The following JAM3 variants were observed in gnomAD, a reference collection of about 807,000 sequenced individuals.
JAM3 encodes junctional adhesion molecule C.
Under a neutral mutation model 39.4 loss-of-function variants are expected in JAM3, and 31 were observed. The ratio of observed to expected loss-of-function variants is 0.79; its 90% CI spans 0.59 to 1.06. The LOEUF is 1.06. Ranked by LOEUF, JAM3 falls within the 50% of genes least tolerant of loss-of-function variation. The probability of loss-of-function intolerance (pLI) is 0.00; values close to 1 mark genes in which losing one functional copy is unlikely to be tolerated. For missense variants in JAM3, 455 were observed against 391.4 expected, an observed-to-expected ratio of 1.16 and a Z score of -1.37; for synonymous variants, 182 against 148.7, an observed-to-expected ratio of 1.22 and a Z score of -1.63.
chr11:134,124,993 A>G (rs1392925734), intron 1 of JAM3, among the ~76,000 whole-genome samples: 1 of 151,856 alleles, frequency 6.6e-6, no homozygotes, highest in Non-Finnish European at 1.5e-5. Flanking sequence ...CGGCGACGAC[A>G]CCCCCCAGCC....
Position 134,151,868 on chromosome 11 carries a change from A to G in JAM3, c.*2687A>G, listed in dbSNP as rs1943248266. The G allele has an allele frequency of 6.6e-6, 1 of 152,228 alleles. No individual in the cohort carries two copies. Among genetic ancestry groups the G allele is most frequent in the Non-Finnish European group, 1.5e-5 (1 of 68,046 alleles). 9.4% of individuals were successfully genotyped at this position (152,228 alleles called of 1,614,324 possible). On this transcript the variant is annotated 3_prime_UTR_variant, in exon 9 of 9. Coordinates refer to ENST00000299106, the MANE Select transcript of JAM3 (RefSeq NM_032801.5). Reference sequence around the variant, plus strand: ...CTATCAATCACCCATCCACCAGGGAAGTCAGTGCTGGGCAGGAGGTCAGCC... The same window carrying G: ...CTATCAATCACCCATCCACCAGGGAGGTCAGTGCTGGGCAGGAGGTCAGCC...
At chr11:134,079,670 C>T (rs644247) in intron 1 of JAM3, among the ~76,000 whole-genome samples, 59,968 of 152,052 alleles carry the variant, frequency 0.39, 12,895 homozygotes, top group African/African-American at 0.58. Flanking sequence ...TTAAACCCCA[C>T]CTCTCTCACA....
intron 1 of JAM3, among the ~76,000 whole-genome samples, chr11:134,087,590 C>T (rs1941766685): frequency 1.3e-5 from 2 of 152,172 alleles, no homozygotes; most frequent in South Asian, 4.1e-4. Context: ...CCTTTCTCTT[C>T]TTACGTATAC....
At chr11:134,140,543 C>A in intron 2 of JAM3, 114 bp from the exon 3 acceptor site, 3 of 846,276 alleles carry the variant, frequency 3.5e-6, no homozygotes, top group Non-Finnish European at 6.1e-6. Context: ...GAGTTGGCTA[C>A]GTTTTTAATC....
intron 6 of JAM3, 138 bp from the exon 7 acceptor site, chr11:134,148,409 C>G: frequency 1.0e-6 from 1 of 961,674 alleles, no homozygotes; most frequent in South Asian, 1.4e-5. Flanking sequence ...TAAGTGTTCT[C>G]TCTTCTAGCT....
rs947506976 is a variant in JAM3, at chr11:134,106,403, A to C, written c.77-33448A>C. On this transcript the variant is annotated intron_variant, in intron 1 of 8. Coordinates refer to ENST00000299106, the MANE Select transcript of JAM3 (RefSeq NM_032801.5). ...TAAAACCATAAAAACCCTAGAAGAA[A>C]ACCTAGGCAATACCATTCAGGACAT... 2.6e-5 allele frequency among the ~76,000 whole-genome samples: 4 copies of C among 152,134 alleles called. No individual in the cohort carries two copies. The East Asian group carries it at 7.7e-4, about 29-fold the overall frequency.
intron 1 of JAM3, chr11:134,123,707 G>T (rs1343754620): frequency 2.2e-5 from 11 of 507,848 alleles, no homozygotes; most frequent in South Asian, 1.7e-4. Context: ...AGTGGTTGAG[G>T]AGTAGTGAAT....
intron 1 of JAM3, among the ~76,000 whole-genome samples, chr11:134,125,966 A>G (rs544098648): frequency 1.3e-5 from 2 of 152,238 alleles, no homozygotes; most frequent in African/African-American, 4.8e-5. Context: ...CACTTGCTCT[A>G]TGTCAAAATC....
At chr11:134,128,627 C>T (rs572177368) in intron 1 of JAM3, among the ~76,000 whole-genome samples, 1 of 152,096 alleles carries the variant, frequency 6.6e-6, no homozygotes, top group South Asian at 2.1e-4. Flanking sequence ...TATTCGCTCA[C>T]TCGTGTGCAT....
At chr11:134,095,135 T>TGA (rs1231617778) in intron 1 of JAM3, among the ~76,000 whole-genome samples, 6 of 152,274 alleles carry the variant, frequency 3.9e-5, no homozygotes, top group Non-Finnish European at 7.4e-5. Flanking sequence ...CAAACAAATG[T>TGA]GAGAGGCAGA....
At chr11:134,112,760 G>A (rs1942341517) in intron 1 of JAM3, among the ~76,000 whole-genome samples, 1 of 152,162 alleles carries the variant, frequency 6.6e-6, no homozygotes, top group Non-Finnish European at 1.5e-5. Flanking sequence ...CAACTCCAGA[G>A]TACATGCTCT....
At chr11:134,134,770 T>C (rs1942832997) in intron 1 of JAM3, among the ~76,000 whole-genome samples, 1 of 152,204 alleles carries the variant, frequency 6.6e-6, no homozygotes, top group African/African-American at 2.4e-5. Flanking sequence ...CTAGTGATGT[T>C]GAGCAACTTT....
At chr11:134,147,540 GC>G (rs2120373595) in intron 6 of JAM3, among the ~76,000 whole-genome samples, 1 of 149,674 alleles carries the variant, frequency 6.7e-6, no homozygotes, top group South Asian at 2.1e-4. Context: ...AGGCTGGAGT[GC>G]AGTGGCACAA....
chr11:134,138,593 G>T (rs573272352), intron 1 of JAM3, among the ~76,000 whole-genome samples: 2 of 152,226 alleles, frequency 1.3e-5, no homozygotes, highest in Non-Finnish European at 2.9e-5. Flanking sequence ...ATCACTGGGC[G>T]CTTTCATTTT....
At chr11:134,083,918 C>T (rs1280264716) in intron 1 of JAM3, among the ~76,000 whole-genome samples, 1 of 152,154 alleles carries the variant, frequency 6.6e-6, no homozygotes, top group African/African-American at 2.4e-5. Flanking sequence ...TGCATCTGCC[C>T]TTTCATAGAG....
chr11:134,103,711 A>G (rs949005863), intron 1 of JAM3, among the ~76,000 whole-genome samples: 15 of 152,340 alleles, frequency 9.8e-5, no homozygotes, highest in South Asian at 4.1e-4. Flanking sequence ...AGGGGTTGCA[A>G]TCCTAGTCTC....
chr11:134,115,308 A>T (rs1418539095), intron 1 of JAM3, among the ~76,000 whole-genome samples: 2 of 152,178 alleles, frequency 1.3e-5, no homozygotes, highest in Non-Finnish European at 2.9e-5. Context: ...AGAAAATCTA[A>T]TCTAACAATA....
chr11:134,076,029 C>T (rs1941563055), intron 1 of JAM3, among the ~76,000 whole-genome samples: 1 of 119,156 alleles, frequency 8.4e-6, no homozygotes, highest in Admixed American at 7.5e-5. Flanking sequence ...TATTGATAAC[C>T]AATCAATACA....
intron 7 of JAM3, 41 bp downstream of exon 7, chr11:134,148,717 C>A (rs1166544145): frequency 6.2e-7 from 1 of 1,614,060 alleles, no homozygotes; most frequent in Non-Finnish European, 8.5e-7. Context: ...TTCAAGCTGG[C>A]AATAATATAA....
Sources: gnomAD v4.1 joint callset for allele counts (sites outside exome capture counted in the v4.1 genomes callset) on GRCh38, gnomAD v4.1.1 for gene constraint, MANE v1.5 for transcripts, NCBI Gene and HGNC (gene_info 2026-07-23, HGNC 2026-07-21) for gene names.